The following ANAPC11 variants were observed in gnomAD, a reference collection of about 807,000 sequenced individuals.
ANAPC11 encodes the protein anaphase-promoting complex subunit 11.
A neutral mutation model predicts 11.8 loss-of-function variants in ANAPC11; 5 were observed. That is an observed-to-expected ratio of 0.42 (90% CI 0.22 to 0.89). ANAPC11 has a LOEUF of 0.89. Among genes scored for constraint, ANAPC11 ranks in the 40% least tolerant of loss-of-function variants. The probability of loss-of-function intolerance (pLI) is 0.28; values close to 1 mark genes in which losing one functional copy is unlikely to be tolerated. For synonymous variants in ANAPC11, 45 were observed against 41.0 expected, an observed-to-expected ratio of 1.10 and a Z score of -0.38; for missense variants, 68 against 112.9, an observed-to-expected ratio of 0.60 and a Z score of 1.80.
At chr17:81,895,094 G>T (rs1164799104) in intron 3 of ANAPC11, among the ~76,000 whole-genome samples, 265 of 60,530 alleles carry the variant, frequency 4.4e-3, no homozygotes, top group Middle Eastern at 0.014. Flanking sequence ...CACTCTTGTT[G>T]CCCAGGCTGG....
chr17:81,894,996 G>A (rs1053949099), intron 3 of ANAPC11: 1 of 173,818 alleles, frequency 5.8e-6, no homozygotes, highest in African/African-American at 2.4e-5. Flanking sequence ...GGGATTACAG[G>A]TGTGAGCCAC....
intron 3 of ANAPC11, chr17:81,899,514 G>T (rs1486358116): frequency 6.2e-7 from 1 of 1,613,930 alleles, no homozygotes; most frequent in East Asian, 2.2e-5. Context: ...CACAGATCAA[G>T]TGTCTGCAGA....
At chr17:81,900,411 T>G (rs1030478041), downstream of ANAPC11, 3 of 351,378 alleles carry the variant, frequency 8.5e-6, no homozygotes, top group African/African-American at 6.6e-5. Flanking sequence ...GATCAGACGG[T>G]AGAGCCTGGG....
At position 81,900,137 on chromosome 17, in the gene ANAPC11, G is replaced by C. The variant is rs758453269; in HGVS notation, c.*72G>C. On this transcript the variant is annotated 3_prime_UTR_variant, in exon 4 of 4. Transcript: ENST00000344877. ...CATGCTGGCGCCGATGGCTGCTGGGGACAGCGCCCCTGAGCTGCAACAAGG... is the reference window on the plus strand; with the variant it reads ...CATGCTGGCGCCGATGGCTGCTGGGCACAGCGCCCCTGAGCTGCAACAAGG... 1 of 1,594,520 alleles carries C rather than the reference G, an allele frequency of 6.3e-7. No individual in the cohort carries two copies. The highest frequency in any genetic ancestry group is 8.5e-7 in the Non-Finnish European group (1 of 1,170,692).
intron 3 of ANAPC11, among the ~76,000 whole-genome samples, chr17:81,895,945 CAAAA>C (rs559544702): frequency 2.0e-5 from 3 of 151,604 alleles, no homozygotes; most frequent in Admixed American, 6.6e-5. Context: ...AAAAAACAAA[CAAAA>C]AAAAGATTAG....
At position 81,891,853 on chromosome 17, in the gene ANAPC11, G is replaced by C. The variant is rs2039543496; in HGVS notation, c.-75+12G>C. 5.1e-6 allele frequency: 1 copy of C among 196,096 alleles called. No homozygotes were observed. Among genetic ancestry groups the C allele is most frequent in the African/African-American group, 2.4e-5 (1 of 42,034 alleles). 12.1% of individuals were successfully genotyped at this position (196,096 alleles called of 1,614,324 possible). A position where few individuals can be genotyped will look rare whatever the true frequency, so the allele number is the denominator to read the frequency against. On this transcript the variant is annotated intron_variant, in intron 1 of 3. Coordinates refer to ENST00000344877, the MANE Select transcript of ANAPC11 (RefSeq NM_001002248.3). ...GGGCGGGTAGGGCGGTGCGTGATTA[G>C]GTTGGCGAAGGTGCGAGGGCGCAGG...
At chr17:81,891,481 G>GGCCCCC (rs758883369), upstream of ANAPC11, 52 of 1,200,134 alleles carry the variant, frequency 4.3e-5, no homozygotes, top group Non-Finnish European at 4.6e-5. Flanking sequence ...CCGCGGCCCC[G>GGCCCCC]GCCCCCGCCC....
chr17:81,896,798 CTTTTTTTTTTTTTT>C (rs1156391578), intron 3 of ANAPC11, among the ~76,000 whole-genome samples: 2 of 42,912 alleles, frequency 4.7e-5, no homozygotes, highest in South Asian at 3.5e-3. Flanking sequence ...GCCTCCTTTG[CTTTTTTTTTTTTTT>C]TTTTTTTTTT....
intron 3 of ANAPC11, chr17:81,898,825 A>G (rs147932909): frequency 0.016 from 3,291 of 205,696 alleles, 115 homozygotes; most frequent in African/African-American, 0.072. Flanking sequence ...CTCATCAGAC[A>G]CCCCAGGCCG....
intron 3 of ANAPC11, 118 bp downstream of exon 3, chr17:81,894,704 A>C: frequency 2.2e-6 from 1 of 453,576 alleles, no homozygotes; most frequent in Non-Finnish European, 3.7e-6. Context: ...CGAAATACCC[A>C]GTTTCATTTT....
intron 3 of ANAPC11, among the ~76,000 whole-genome samples, chr17:81,896,825 TTTTTTG>T: frequency 7.9e-6 from 1 of 126,308 alleles, no homozygotes; most frequent in African/African-American, 3.6e-5. Context: ...TTTTTTTTTT[TTTTTTG>T]AGATAGAGTC....
intron 3 of ANAPC11, chr17:81,899,123 C>T (rs2039844516): frequency 9.0e-7 from 1 of 1,109,534 alleles, no homozygotes; most frequent in Non-Finnish European, 1.3e-6. Flanking sequence ...GGGGCTGGGG[C>T]TGGGACTTGC....
At chr17:81,899,447 A>C (rs752176567) in intron 3 of ANAPC11, 13 of 1,613,914 alleles carry the variant, frequency 8.1e-6, no homozygotes, top group South Asian at 1.1e-5. Context: ...AGACCAGTTC[A>C]CTACTCAGAT....
upstream of ANAPC11, chr17:81,891,368 G>A (rs1477399181): frequency 5.2e-6 from 6 of 1,149,334 alleles, no homozygotes; most frequent in African/African-American, 5.0e-5. Flanking sequence ...CGCCGGCCGC[G>A]CCGCGGGCGA....
chr17:81,892,753 C>T (rs879867909), intron 1 of ANAPC11, among the ~76,000 whole-genome samples: 16 of 151,986 alleles, frequency 1.1e-4, no homozygotes, highest in East Asian at 1.9e-4. Context: ...GAACTCCTGA[C>T]CTCAGATGAT....
At chr17:81,896,592 GA>G (rs1420939021) in intron 3 of ANAPC11, among the ~76,000 whole-genome samples, 4 of 152,050 alleles carry the variant, frequency 2.6e-5, no homozygotes, top group African/African-American at 9.7e-5. Context: ...GTGGGGAATG[GA>G]GAGGACAGTG....
In ANAPC11 at chr17:81,894,514, A is replaced by G. The variant is rs761700309; in HGVS notation, c.37A>G (p.Thr13Ala). ...VKIKCWNGVA[T>A]WLWVANDENC... ...GATTAAGTGCTGGAACGGCGTGGCC[A>G]CTTGGCTCTGGGTGGCCAACGATGA... Residue 13 changes from threonine (T) to alanine (A), a missense_variant, in exon 3 of 4, where the codon ACT becomes GCT. Thr to Ala is a moderately conservative substitution (Grantham distance 58). Coordinates refer to ENST00000344877, the MANE Select transcript of ANAPC11 (RefSeq NM_001002248.3). 1 of 1,613,148 alleles carries G rather than the reference A, an allele frequency of 6.2e-7. No individual in the cohort carries two copies. The highest frequency in any genetic ancestry group is 1.1e-5 in the South Asian group (1 of 91,018).
chr17:81,893,013 T>G (rs2039601876), intron 1 of ANAPC11: 1 of 132,460 alleles, frequency 7.5e-6, no homozygotes. Context: ...CACAGCTGGC[T>G]TTTTTTTTTT....
At chr17:81,899,886 C>T (rs767292388) in intron 3 of ANAPC11, 34 bp from the exon 4 acceptor site, 1 of 1,593,020 alleles carries the variant, frequency 6.3e-7, no homozygotes, top group Non-Finnish European at 8.6e-7. Context: ...CCAGCCTGGT[C>T]ATGCCTGTCC....
Sources: gnomAD v4.1 joint callset for allele counts (sites outside exome capture counted in the v4.1 genomes callset) on GRCh38, gnomAD v4.1.1 for gene constraint, MANE v1.5 for transcripts, NCBI Gene and HGNC (gene_info 2026-07-23, HGNC 2026-07-21) for gene names.